The following TNK2 variants were observed in gnomAD, a reference collection of about 807,000 sequenced individuals.
The protein encoded by TNK2 is tyrosine kinase non receptor 2.
Under a neutral mutation model 101.8 loss-of-function variants are expected in TNK2, and 83 were observed. The observed-to-expected ratio is 0.82, with a 90% confidence interval of 0.68 to 0.98. The LOEUF (loss-of-function observed/expected upper bound fraction) is 0.98, where lower values mean the gene tolerates loss of function less well. Among genes scored for constraint, TNK2 ranks in the 50% least tolerant of loss-of-function variants. The pLI, the probability that TNK2 is intolerant of heterozygous loss-of-function variation, is 0.00. For synonymous variants in TNK2, 804 were observed against 633.0 expected, an observed-to-expected ratio of 1.27 and a Z score of -4.06; for missense variants, 1,665 against 1,483.2, an observed-to-expected ratio of 1.12 and a Z score of -2.01.
intron 1 of TNK2, among the ~76,000 whole-genome samples, chr3:195,905,445 C>T (rs1560548584): frequency 6.6e-6 from 1 of 152,070 alleles, no homozygotes; most frequent in Admixed American, 6.6e-5. Context: ...ATGATCCGCC[C>T]GCCTCAGCCT....
intron 1 of TNK2, among the ~76,000 whole-genome samples, chr3:195,897,640 T>C (rs751270826): frequency 5.9e-5 from 9 of 152,168 alleles, no homozygotes; most frequent in Non-Finnish European, 1.3e-4. Context: ...TAGCTGGGAT[T>C]ACAGGCGTGC....
chr3:195,884,732 AC>A, intron 4 of TNK2, 79 bp downstream of exon 4: 1 of 1,349,086 alleles, frequency 7.4e-7, no homozygotes, highest in Non-Finnish European at 1.0e-6. Flanking sequence ...TCCCATCCAC[AC>A]CCTGGTTGGG....
chr3:195,867,267 G>A lies in TNK2; in HGVS notation c.2938-3C>T, dbSNP rs759592476. On this transcript the variant is annotated splice_region_variant and splice_polypyrimidine_tract_variant and intron_variant, in intron 13 of 15. Coordinates refer to ENST00000672887, the MANE Select transcript of TNK2 (RefSeq NM_001382273.1). ...ACCCCATGCACCATGGCCTGCAGCT[G>A]GGCACACCCACCCCTGTCAGCACCA... 1 of 1,609,536 alleles carries A rather than the reference G, an allele frequency of 6.2e-7. No individual in the cohort carries two copies.
chr3:195,897,613 T>C (rs62283334), intron 1 of TNK2, among the ~76,000 whole-genome samples: 29,820 of 152,150 alleles, frequency 0.2, 3,361 homozygotes, highest in Middle Eastern at 0.3. Flanking sequence ...GCAATCCTCC[T>C]GCCTCCATCT....
intron 15 of TNK2, among the ~76,000 whole-genome samples, chr3:195,866,329 C>G (rs1440851944): frequency 6.6e-6 from 1 of 152,052 alleles, no homozygotes; most frequent in Admixed American, 6.6e-5. Context: ...GCCTCCCCAG[C>G]AGGTGGGATT....
intron 15 of TNK2, among the ~76,000 whole-genome samples, chr3:195,865,137 G>A (rs1466239560): frequency 3.3e-4 from 42 of 128,260 alleles, no homozygotes; most frequent in African/African-American, 9.9e-4. Context: ...AGGTGACAGC[G>A]AGTGCCTGCG....
chr3:195,869,243 A>G (rs1407477375), intron 12 of TNK2: 5 of 592,046 alleles, frequency 8.4e-6, no homozygotes, highest in African/African-American at 3.7e-5. Flanking sequence ...CGTGCTCCAG[A>G]AGCTCAGACA....
chr3:195,897,817 C>CT (rs1760788309), intron 1 of TNK2, among the ~76,000 whole-genome samples: 3 of 30,074 alleles, frequency 1.0e-4, no homozygotes, highest in Non-Finnish European at 1.2e-4. Context: ...CTCACCCCCC[C>CT]ACCCCCCCCC....
chr3:195,868,746 C>G (rs1742669598), intron 12 of TNK2, 37 bp from the exon 13 acceptor site: 3 of 1,516,846 alleles, frequency 2.0e-6, no homozygotes, highest in East Asian at 2.4e-5. Flanking sequence ...GGAAGGCAGT[C>G]AGGCAGGGTC....
intron 15 of TNK2, 109 bp downstream of exon 15, chr3:195,866,780 C>G: frequency 6.8e-7 from 1 of 1,463,308 alleles, no homozygotes; most frequent in Non-Finnish European, 9.1e-7. Context: ...AGAGCTGTGT[C>G]TCCCTGGCCG....
At chr3:195,875,327 A>C (rs558502826) in intron 9 of TNK2, among the ~76,000 whole-genome samples, 3 of 25,700 alleles carry the variant, frequency 1.2e-4, no homozygotes, top group Non-Finnish European at 1.8e-4. Context: ...CCGAGGCACA[A>C]GAAACTCCCC....
At chr3:195,877,733 T>C in intron 9 of TNK2, among the ~76,000 whole-genome samples, 1 of 150,408 alleles carries the variant, frequency 6.6e-6, no homozygotes, top group Non-Finnish European at 1.5e-5. Context: ...GGGTTAGGTA[T>C]AGAGAGGGTC....
At chr3:195,907,182 G>A (rs1015225069) in intron 1 of TNK2, among the ~76,000 whole-genome samples, 1 of 152,248 alleles carries the variant, frequency 6.6e-6, no homozygotes, top group Admixed American at 6.5e-5. Flanking sequence ...ACTGAAGCCA[G>A]ACAGTGAGAG....
At chr3:195,892,657 CT>C in intron 1 of TNK2, 1 of 1,407,362 alleles carries the variant, frequency 7.1e-7, no homozygotes, top group East Asian at 2.6e-5. Flanking sequence ...GTTTCCACAG[CT>C]GGCCGGTCTG....
At chr3:195,871,341 C>T (rs1357523971) in intron 10 of TNK2, among the ~76,000 whole-genome samples, 13 of 152,060 alleles carry the variant, frequency 8.5e-5, no homozygotes, top group African/African-American at 2.2e-4. Flanking sequence ...GGTGGGGAGG[C>T]GGAGCTGCCA....
intron 9 of TNK2, chr3:195,876,530 G>C (rs1431942262): frequency 2.2e-6 from 1 of 456,730 alleles, no homozygotes. Context: ...AGGGGGCAGA[G>C]TCAAGCTCTG....
intron 1 of TNK2, chr3:195,895,298 A>G (rs1447511030): frequency 2.2e-5 from 34 of 1,573,364 alleles, no homozygotes; most frequent in Non-Finnish European, 2.9e-5. Context: ...TCTCTCCCCC[A>G]TGGAGCCCCA....
chr3:195,892,047 T>C, intron 1 of TNK2: 1 of 1,014,934 alleles, frequency 9.9e-7, no homozygotes, highest in Non-Finnish European at 1.2e-6. Flanking sequence ...CCAGGGTGAC[T>C]CCGCAGGGGT....
In TNK2 at chr3:195,882,912, C is replaced by T. The variant is rs988487853; in HGVS notation, c.609+245G>A. Among the ~76,000 whole-genome samples the T allele has an allele frequency of 6.6e-6, 1 of 152,174 alleles. No individual in the cohort carries two copies. Among genetic ancestry groups the T allele is most frequent in the African/African-American group, 2.4e-5 (1 of 41,434 alleles). On this transcript the variant is annotated intron_variant, in intron 5 of 15. Transcript: ENST00000672887. The surrounding 1 kb of genome is among the most constrained non-coding windows in gnomAD (Gnocchi z 4.2). ...CCCCAAATTAAACTCAGTGGCCAGCCCCTCCCATGGGAGTAACTCTCTTGA... is the reference window on the plus strand; with the variant it reads ...CCCCAAATTAAACTCAGTGGCCAGCTCCTCCCATGGGAGTAACTCTCTTGA...
Sources: allele counts gnomAD v4.1 joint callset (sites outside exome capture counted in the v4.1 genomes callset), GRCh38; gene constraint gnomAD v4.1.1; non-coding constraint Gnocchi (gnomAD v3.1); transcripts MANE v1.5; gene names NCBI Gene and HGNC (gene_info 2026-07-23, HGNC 2026-07-21).